ENOSF1: variants seen among roughly 807,000 people sequenced by gnomAD.
The protein encoded by ENOSF1 is mitochondrial enolase superfamily member 1.
ENOSF1 carries 73 observed loss-of-function variants against 68.2 expected under a neutral mutation model. The ratio of observed to expected loss-of-function variants is 1.07; its 90% CI spans 0.89 to 1.30. The LOEUF is 1.30. Among genes scored for constraint, ENOSF1 ranks in the 50% most tolerant of loss-of-function variants. The pLI is 0.00. For synonymous variants in ENOSF1, 223 were observed against 210.4 expected (o/e 1.06, Z -0.52); for missense variants, 589 against 554.5 (o/e 1.06, Z -0.62).
At position 694,238 on chromosome 18, in the gene ENOSF1, G is replaced by A. The variant is rs1326564079; in HGVS notation, c.396+10C>T. On this transcript the variant is annotated intron_variant, in intron 4 of 15. Coordinates refer to ENST00000647584, the MANE Select transcript of ENOSF1 (RefSeq NM_017512.7). The stretch of plus-strand genomic sequence containing the variant: ...CCAGGAGCCTCCTGAGCGTTTGTGA[G>A]AGGGGTTACCTTTCCCTCCTGCTTG... The A allele has an allele frequency of 6.2e-7, 1 of 1,613,564 alleles. No individual in the cohort carries two copies. The highest frequency in any genetic ancestry group is 8.5e-7 in the Non-Finnish European group (1 of 1,179,758).
rs2075182126 is a variant in ENOSF1 at position 673,639 on chromosome 18, A to G, written c.*666T>C. The G allele has an allele frequency of 5.8e-6, 1 of 172,442 alleles. No individual in the cohort carries two copies. Among genetic ancestry groups the G allele is most frequent in the Admixed American group, 6.4e-5 (1 of 15,680 alleles). The allele number at this position is 172,442 out of a possible 1,614,324, so 10.7% of individuals were successfully genotyped here. A position where few individuals can be genotyped will look rare whatever the true frequency, so the allele number is the denominator to read the frequency against. On this transcript the variant is annotated 3_prime_UTR_variant, in exon 16 of 16. Transcript: ENST00000647584. ...GAGTATATTTTAGAAATAATAGTGAATATATTTTGCCCTATTTTTCTCATT... is the reference window on the plus strand; with the variant it reads ...GAGTATATTTTAGAAATAATAGTGAGTATATTTTGCCCTATTTTTCTCATT...
intron 13 of ENOSF1, 116 bp from the exon 14 acceptor site, chr18:677,560 T>C: frequency 8.0e-7 from 1 of 1,248,942 alleles, no homozygotes. Context: ...TTATTAATAT[T>C]TAGGAAGGAA....
chr18:679,497 C>G lies in ENOSF1; in HGVS notation c.877-760G>C, dbSNP rs112350641. ...GTGTTGGGATTACAGGTGTGAGCCA[C>G]TGCACCTGGCCTCATGTCTTTGTTG... is the stretch of plus-strand genomic sequence containing the variant. On this transcript the variant is annotated intron_variant, in intron 11 of 15. Coordinates refer to ENST00000647584, the MANE Select transcript of ENOSF1 (RefSeq NM_017512.7). 2.1e-4 allele frequency among the ~76,000 whole-genome samples: 32 copies of G among 152,064 alleles called. 1 individual carries two copies. The highest frequency in any genetic ancestry group is 7.5e-4 in the African/African-American group (31 of 41,472).
chr18:706,710 T>C lies in ENOSF1; in HGVS notation c.85-132A>G, dbSNP rs576937622. ...ACAAGAGCTCCCATAGAAGGAACTGTTGCTATACCCCAAAGAAAACAAAGG... is the reference window on the plus strand; with the variant it reads ...ACAAGAGCTCCCATAGAAGGAACTGCTGCTATACCCCAAAGAAAACAAAGG... On this transcript the variant is annotated intron_variant, in intron 1 of 15. Coordinates refer to ENST00000647584, the MANE Select transcript of ENOSF1 (RefSeq NM_017512.7). The C allele has an allele frequency of 1.2e-4, 75 of 624,138 alleles. 2 individuals carry two copies. In the South Asian group the frequency reaches 1.5e-3, roughly 13 times the overall value. 38.7% of individuals were successfully genotyped at this position (624,138 alleles called of 1,614,324 possible). A position where few individuals can be genotyped will look rare whatever the true frequency, so the allele number is the denominator to read the frequency against.
downstream of ENOSF1, chr18:670,265 G>A (rs2074978967): frequency 6.4e-6 from 1 of 155,828 alleles, no homozygotes; most frequent in Non-Finnish European, 1.4e-5. Flanking sequence ...TTGGCCTCAA[G>A]TGATCTGCCC....
At chr18:702,965 T>C (rs971446566) in intron 2 of ENOSF1, among the ~76,000 whole-genome samples, 1 of 152,184 alleles carries the variant, frequency 6.6e-6, no homozygotes, top group Non-Finnish European at 1.5e-5. Context: ...ATTAGGTAAG[T>C]AAGCAGAAGA....
chr18:686,326 GTGAGAAC>G (rs1367867874), intron 9 of ENOSF1: 1 of 317,664 alleles, frequency 3.1e-6, no homozygotes, highest in African/African-American at 2.1e-5. Context: ...AAAAGCCACA[GTGAGAAC>G]TGAAGAGGAG....
At chr18:684,826 G>A (rs1390737999) in intron 10 of ENOSF1, among the ~76,000 whole-genome samples, 1 of 151,868 alleles carries the variant, frequency 6.6e-6, no homozygotes, top group Non-Finnish European at 1.5e-5. Context: ...TCTCTCCCAG[G>A]ACACTATGAA....
chr18:706,387 G>C (rs1179254240), intron 2 of ENOSF1, 83 bp downstream of exon 2: 5 of 935,696 alleles, frequency 5.3e-6, no homozygotes, highest in Non-Finnish European at 8.7e-6. Flanking sequence ...TCTAAATCAA[G>C]ATTCTAATGA....
chr18:690,484 C>A, intron 8 of ENOSF1, 65 bp downstream of exon 8: 3 of 1,576,518 alleles, frequency 1.9e-6, no homozygotes, highest in South Asian at 2.2e-5. Flanking sequence ...GGTATGAGGA[C>A]AGAAGGAAAA....
At chr18:691,002 G>C in intron 7 of ENOSF1, 66 bp downstream of exon 7, 2 of 1,549,128 alleles carry the variant, frequency 1.3e-6, no homozygotes, top group Non-Finnish European at 1.8e-6. Context: ...TACCCCAAAA[G>C]GACAGGGGCA....
At position 679,848 on chromosome 18, in the gene ENOSF1, CT is replaced by C. The variant is rs566296809; in HGVS notation, c.877-1112del. Among the ~76,000 whole-genome samples, 23 of 152,310 alleles carry C rather than the reference CT, an allele frequency of 1.5e-4. 1 individual carries two copies. Among genetic ancestry groups the C allele is most frequent in the Admixed American group, 3.9e-4 (6 of 15,302 alleles). On this transcript the variant is annotated intron_variant, in intron 11 of 15. Coordinates refer to ENST00000647584, the MANE Select transcript of ENOSF1 (RefSeq NM_017512.7). Reference sequence around the variant, plus strand: ...TTGGTTCCTCCCTGGCTTCCCTTCCCTTTGCTTAGGGTAATAGTAATCACAC... The same window carrying C: ...TTGGTTCCTCCCTGGCTTCCCTTCCCTTGCTTAGGGTAATAGTAATCACAC...
chr18:683,814 T>C (rs2076344315), intron 10 of ENOSF1, among the ~76,000 whole-genome samples: 1 of 152,140 alleles, frequency 6.6e-6, no homozygotes, highest in Non-Finnish European at 1.5e-5. Context: ...TATTGACTAT[T>C]GCCCACTGTG....
intron 2 of ENOSF1, among the ~76,000 whole-genome samples, chr18:697,588 T>C (rs2077876268): frequency 6.6e-6 from 1 of 152,056 alleles, no homozygotes; most frequent in African/African-American, 2.4e-5. Context: ...CTGTCTCTAC[T>C]GAAAATACAA....
chr18:677,352 CA>C lies in ENOSF1; in HGVS notation c.1140del (p.Glu381LysfsTer19), dbSNP rs770088970. ...IFDYISVSAS[L>X]ENRVCEYVDH... ...TAATGCCACATTACTGACCTATTTT[CA>C]AGGCTTGCAGAAACTGATATGTAGT... On this transcript the variant is annotated frameshift_variant, in exon 14 of 16. Coordinates refer to ENST00000647584, the MANE Select transcript of ENOSF1 (RefSeq NM_017512.7). LOFTEE classifies it high-confidence loss of function. The C allele has an allele frequency of 2.3e-5, 37 of 1,613,580 alleles. No individual in the cohort carries two copies. Among genetic ancestry groups the C allele is most frequent in the Non-Finnish European group, 3.1e-5 (37 of 1,179,736 alleles).
At position 683,317 on chromosome 18, in the gene ENOSF1, T is replaced by C. The variant is rs1426939609; in HGVS notation, c.805A>G (p.Lys269Glu). 2 of 1,614,036 alleles carry C rather than the reference T, an allele frequency of 1.2e-6. No individual in the cohort carries two copies. The highest frequency in any genetic ancestry group is 1.3e-5 in the African/African-American group (1 of 74,934). Reference sequence around the variant, plus strand: ...TCCTCAATCCACAATGGCTTGAACTTGGCCAGCTTGGACATCCACTCCACC... The same window carrying C: ...TCCTCAATCCACAATGGCTTGAACTCGGCCAGCTTGGACATCCACTCCACC... ...EAVEWMSKLA[K>E]FKPLWIEEPT... Residue 269 changes from lysine to glutamate, a missense_variant, in exon 11 of 16, where the codon AAG becomes GAG. Physicochemically the swap from Lys to Glu is moderately conservative, Grantham distance 56. Transcript: ENST00000647584.
chr18:705,963 T>G (rs1315019466), intron 2 of ENOSF1, among the ~76,000 whole-genome samples: 1 of 151,988 alleles, frequency 6.6e-6, no homozygotes, highest in African/African-American at 2.4e-5. Flanking sequence ...GAGCTGAGAT[T>G]GTGCCACTGC....
rs1369690699 is a variant in ENOSF1, at chr18:670,820, A to G, written c.*3485T>C. On this transcript the variant is annotated 3_prime_UTR_variant, in exon 16 of 16. Transcript: ENST00000647584. Reference sequence around the variant, plus strand: ...CCTCGGTGTGCCTTTCAACATCGCCAGCTACGCCCTGCTCACGTACATGAT... The same window carrying G: ...CCTCGGTGTGCCTTTCAACATCGCCGGCTACGCCCTGCTCACGTACATGAT... 2 of 1,613,926 alleles carry G rather than the reference A, an allele frequency of 1.2e-6. No homozygotes were observed. The highest frequency in any genetic ancestry group is 1.3e-5 in the African/African-American group (1 of 74,862).
At chr18:699,595 T>C (rs1428187957) in intron 2 of ENOSF1, among the ~76,000 whole-genome samples, 7 of 152,342 alleles carry the variant, frequency 4.6e-5, no homozygotes, top group Non-Finnish European at 1.0e-4. Flanking sequence ...TAGCCTACGT[T>C]GTGTAAATGG....
Sources: allele counts gnomAD v4.1 joint callset (sites outside exome capture counted in the v4.1 genomes callset), GRCh38; gene constraint gnomAD v4.1.1; transcripts MANE v1.5; gene names NCBI Gene and HGNC (gene_info 2026-07-23, HGNC 2026-07-21).